Variants in DIS3L2 observed in about 807,000 individuals in gnomAD.
DIS3L2 encodes DIS3-like exonuclease 2.
DIS3L2 carries 34 observed loss-of-function variants against 97.5 expected under a neutral mutation model. The ratio of observed to expected loss-of-function variants is 0.35; its 90% confidence interval spans 0.27 to 0.46. DIS3L2 has a LOEUF of 0.46. Ranked by LOEUF, DIS3L2 falls within the 20% of genes least tolerant of loss-of-function variation. The pLI, the probability that DIS3L2 is intolerant of heterozygous loss-of-function variation, is 1.00. For synonymous variants in DIS3L2, 435 were observed against 445.2 expected (o/e 0.98, Z 0.29); for missense variants, 1,038 against 1,146.0 (o/e 0.91, Z 1.36).
intron 9 of DIS3L2, among the ~76,000 whole-genome samples, chr2:232,199,621 C>G (rs1691840277): frequency 6.6e-6 from 1 of 150,918 alleles, no homozygotes; most frequent in African/African-American, 2.4e-5. Flanking sequence ...GTGCAAAAAG[C>G]AAAATGAAAA....
Position 231,985,607 on chromosome 2 carries a change from G to T in DIS3L2, c.-94+23842G>T, listed in dbSNP as rs539696222. On this transcript the variant is annotated intron_variant, in intron 1 of 20. Coordinates refer to ENST00000325385, the MANE Select transcript of DIS3L2 (RefSeq NM_152383.5). The stretch of plus-strand genomic sequence containing the variant: ...ATACACCCTTTACTTAGACTCATCT[G>T]TTGGTAACATTTTGTCCCATTTGCT... 7.2e-5 allele frequency among the ~76,000 whole-genome samples: 11 copies of T among 152,274 alleles called. No homozygotes were observed. The East Asian group carries it at 2.1e-3, about 29-fold the overall frequency.
chr2:232,168,490 T>C (rs549290086), intron 9 of DIS3L2, among the ~76,000 whole-genome samples: 22 of 88,748 alleles, frequency 2.5e-4, no homozygotes, highest in Non-Finnish European at 3.9e-4. Context: ...TGCAGTAATC[T>C]TTTTTTAGCC....
intron 9 of DIS3L2, among the ~76,000 whole-genome samples, chr2:232,173,160 T>C (rs184761040): frequency 1.3e-5 from 2 of 152,330 alleles, no homozygotes; most frequent in East Asian, 1.9e-4. Context: ...GTCTGTTTTT[T>C]CTTTGGTTGC....
At chr2:232,175,807 G>A (rs1185598419) in intron 9 of DIS3L2, among the ~76,000 whole-genome samples, 1 of 151,966 alleles carries the variant, frequency 6.6e-6, no homozygotes, top group Non-Finnish European at 1.5e-5. Flanking sequence ...GGGGTGGTTT[G>A]TTTATTAATT....
chr2:231,997,988 C>A (rs1304453378), intron 1 of DIS3L2, among the ~76,000 whole-genome samples: 1 of 152,104 alleles, frequency 6.6e-6, no homozygotes, highest in African/African-American at 2.4e-5. Context: ...AGAGTTGTCA[C>A]GTGTCTTTAG....
chr2:232,336,253 C>G, intron 20 of DIS3L2: 3 of 1,543,802 alleles, frequency 1.9e-6, no homozygotes, highest in Non-Finnish European at 2.6e-6. Flanking sequence ...GGTTGTGTTT[C>G]ATAAGCCTTG....
At chr2:232,091,761 C>T (rs569316393) in intron 6 of DIS3L2, among the ~76,000 whole-genome samples, 3 of 152,300 alleles carry the variant, frequency 2.0e-5, no homozygotes, top group South Asian at 2.1e-4. Context: ...TTTACATTCT[C>T]ACCAACAGTG....
chr2:232,053,833 T>A (rs1159734587), intron 5 of DIS3L2, among the ~76,000 whole-genome samples: 1 of 152,112 alleles, frequency 6.6e-6, no homozygotes, highest in Admixed American at 6.5e-5. Context: ...CTGAACTCAT[T>A]TATGGTTTTT....
At chr2:232,189,430 A>G (rs1455890323) in intron 9 of DIS3L2, among the ~76,000 whole-genome samples, 4 of 152,220 alleles carry the variant, frequency 2.6e-5, no homozygotes, top group Non-Finnish European at 5.9e-5. Flanking sequence ...AACAGCTTGG[A>G]TGGATCTTCA....
At chr2:232,019,568 T>A (rs964199443) in intron 3 of DIS3L2, among the ~76,000 whole-genome samples, 1 of 151,626 alleles carries the variant, frequency 6.6e-6, no homozygotes, top group African/African-American at 2.4e-5. Flanking sequence ...TTTTTTTTTT[T>A]TTTTTAAAGA....
chr2:232,252,938 GA>G (rs527571009), intron 12 of DIS3L2, among the ~76,000 whole-genome samples: 1 of 151,746 alleles, frequency 6.6e-6, no homozygotes, highest in African/African-American at 2.4e-5. Context: ...TTGTGTGGAT[GA>G]AAAAAAATAA....
rs183691488 is a variant in DIS3L2 at position 232,209,966 on chromosome 2, A to G, written c.1125-360A>G. 2.5e-3 allele frequency among the ~76,000 whole-genome samples: 376 copies of G among 152,296 alleles called. 1 individual carries two copies. The highest frequency in any genetic ancestry group is 3.8e-3 in the Non-Finnish European group (258 of 68,008). ...GTATCACAAGTCACTGGAGAAGGATATTTTACCAAAGTGTAAATTGAAGAG... is the reference window on the plus strand; with the variant it reads ...GTATCACAAGTCACTGGAGAAGGATGTTTTACCAAAGTGTAAATTGAAGAG... On this transcript the variant is annotated intron_variant, in intron 9 of 20. Coordinates refer to ENST00000325385, the MANE Select transcript of DIS3L2 (RefSeq NM_152383.5).
intron 5 of DIS3L2, among the ~76,000 whole-genome samples, chr2:232,054,232 T>G (rs1325852095): frequency 6.6e-6 from 1 of 152,202 alleles, no homozygotes; most frequent in Non-Finnish European, 1.5e-5. Flanking sequence ...AATATTATTT[T>G]GGACATCTAC....
chr2:232,130,771 A>G (rs777103146), intron 7 of DIS3L2, 52 bp downstream of exon 7: 6 of 1,603,212 alleles, frequency 3.7e-6, no homozygotes, highest in Admixed American at 1.7e-5. Flanking sequence ...CACCTGAGCT[A>G]CTTGTTGAAG....
intron 16 of DIS3L2, among the ~76,000 whole-genome samples, chr2:232,332,387 G>A (rs575208144): frequency 3.9e-5 from 6 of 152,282 alleles, no homozygotes; most frequent in South Asian, 4.1e-4. Context: ...AACGGGAGCC[G>A]GCTGTCTGTC....
chr2:232,250,527 C>T (rs771100983), intron 12 of DIS3L2, among the ~76,000 whole-genome samples: 1 of 147,918 alleles, frequency 6.8e-6, no homozygotes, highest in Non-Finnish European at 1.5e-5. Context: ...GAACCCTAAA[C>T]AATTCAGAAA....
At chr2:232,015,205 A>C (rs1694319368) in intron 2 of DIS3L2, among the ~76,000 whole-genome samples, 1 of 152,204 alleles carries the variant, frequency 6.6e-6, no homozygotes, top group Non-Finnish European at 1.5e-5. Flanking sequence ...AAAAGTGGCA[A>C]TCTTTTAGTA....
Position 232,336,648 on chromosome 2 carries a change from CCCCGCCTGCCCCGCCTGCCTGT to C in DIS3L2, c.*25_*46del, listed in dbSNP as rs1400477749. The C allele has an allele frequency of 1.3e-5, 20 of 1,503,626 alleles. No individual in the cohort carries two copies. In the Admixed American group the frequency reaches 1.8e-4, roughly 13 times the overall value. 93.1% of individuals were successfully genotyped at this position (1,503,626 alleles called of 1,614,324 possible). ...CCAGCTGAGCTCCACCAGCCGCCTG[CCCCGCCTGCCCCGCCTGCCTGT>C]CCCGCCACACTGGCTTTAGGACCTG... On this transcript the variant is annotated 3_prime_UTR_variant, in exon 21 of 21. Transcript: ENST00000325385.
chr2:232,209,607 G>A (rs1206443550), intron 9 of DIS3L2, among the ~76,000 whole-genome samples: 3 of 152,174 alleles, frequency 2.0e-5, no homozygotes, highest in Non-Finnish European at 4.4e-5. Context: ...GGCAGGAAAG[G>A]CTGGAGGTAT....
Sources: allele counts gnomAD v4.1 joint callset (sites outside exome capture counted in the v4.1 genomes callset), GRCh38; gene constraint gnomAD v4.1.1; transcripts MANE v1.5; gene names NCBI Gene and HGNC (gene_info 2026-07-23, HGNC 2026-07-21).